Variants in RBFOX1 observed in about 807,000 individuals in gnomAD.
RBFOX1 encodes RNA binding protein fox-1 homolog 1.
A neutral mutation model predicts 57.7 loss-of-function variants in RBFOX1; 8 were observed. The ratio of observed to expected loss-of-function variants is 0.14; its 90% CI spans 0.08 to 0.25. RBFOX1 has a LOEUF of 0.25. RBFOX1 is among the 10% of genes least tolerant of loss of function. RBFOX1 has a pLI of 1.00. For synonymous variants in RBFOX1, 326 were observed against 222.4 expected, an observed-to-expected ratio of 1.47 and a Z score of -4.15; for missense variants, 611 against 548.5, an observed-to-expected ratio of 1.11 and a Z score of -1.14.
intron 1 of RBFOX1, among the ~76,000 whole-genome samples, chr16:6,158,087 C>T (rs1038344760): frequency 6.6e-6 from 1 of 152,112 alleles, no homozygotes; most frequent in African/African-American, 2.4e-5. Flanking sequence ...GGAGATTCCC[C>T]GAGATAAAAC....
At chr16:7,697,977 T>C (rs950133496) in intron 14 of RBFOX1, among the ~76,000 whole-genome samples, 2 of 152,108 alleles carry the variant, frequency 1.3e-5, no homozygotes, top group East Asian at 1.9e-4. Context: ...ACTGGTGTAG[T>C]TGTGGGGACA....
chr16:7,021,930 TTTTCTTTTCTTTCTTTCTTTTC>T (rs1163141363), intron 3 of RBFOX1, among the ~76,000 whole-genome samples: 3 of 146,436 alleles, frequency 2.0e-5, no homozygotes, highest in Non-Finnish European at 4.5e-5. Context: ...TCTTTCTTTA[TTTTCTTTTCTTTCTTTCTTTTC>T]TTTCTCTCTC....
chr16:6,361,801 C>T (rs1412608087), intron 2 of RBFOX1, among the ~76,000 whole-genome samples: 1 of 152,148 alleles, frequency 6.6e-6, no homozygotes, highest in Non-Finnish European at 1.5e-5. Context: ...TTCTTATCCA[C>T]AGCCAAAATT....
intron 4 of RBFOX1, among the ~76,000 whole-genome samples, chr16:7,282,483 G>A (rs920355854): frequency 6.6e-6 from 1 of 152,182 alleles, no homozygotes; most frequent in Admixed American, 6.5e-5. Flanking sequence ...GAAGTTATCA[G>A]GTGGATTTTC....
chr16:7,510,884 T>C (rs1028703150), intron 4 of RBFOX1, among the ~76,000 whole-genome samples: 4 of 152,160 alleles, frequency 2.6e-5, no homozygotes, highest in African/African-American at 9.7e-5. Context: ...GCTGGCTTAT[T>C]AGGTTTTGAC....
chr16:5,769,506 A>T (rs2151671176), intron 3 of RBFOX1, among the ~76,000 whole-genome samples: 1 of 150,046 alleles, frequency 6.7e-6, no homozygotes, highest in African/African-American at 2.5e-5. Flanking sequence ...AAAAAAAATT[A>T]GCTAGGTATG....
chr16:6,652,845 A>C (rs1428075264), intron 2 of RBFOX1, among the ~76,000 whole-genome samples: 1 of 152,184 alleles, frequency 6.6e-6, no homozygotes, highest in Non-Finnish European at 1.5e-5. Context: ...ATGGTTGCAC[A>C]ACAGTTTGTA....
chr16:7,285,035 T>G (rs1603488889), intron 4 of RBFOX1, among the ~76,000 whole-genome samples: 1 of 141,166 alleles, frequency 7.1e-6, no homozygotes, highest in East Asian at 2.2e-4. Context: ...TCCCTCACCC[T>G]CAGTCTCAAT....
chr16:7,108,027 G>T (rs1226542918), intron 4 of RBFOX1, among the ~76,000 whole-genome samples: 3 of 151,528 alleles, frequency 2.0e-5, no homozygotes, highest in African/African-American at 7.3e-5. Context: ...GATTGGGGGG[G>T]AGAGGGTAGA....
chr16:6,584,031 G>T, intron 2 of RBFOX1, among the ~76,000 whole-genome samples: 1 of 150,726 alleles, frequency 6.6e-6, no homozygotes. Flanking sequence ...AAAATTGTAG[G>T]ATTCCTTAGT....
intron 1 of RBFOX1, among the ~76,000 whole-genome samples, chr16:5,396,637 G>C (rs1018120226): frequency 6.6e-6 from 1 of 152,052 alleles, no homozygotes; most frequent in African/African-American, 2.4e-5. Context: ...ACAAGACTCT[G>C]TCTCGAAGAA....
chr16:6,606,229 C>T (rs2097923493), intron 2 of RBFOX1, among the ~76,000 whole-genome samples: 1 of 152,092 alleles, frequency 6.6e-6, no homozygotes, highest in African/African-American at 2.4e-5. Flanking sequence ...AATAGGAATC[C>T]TGTGAAGTAC....
chr16:7,693,479 G>GAAAA, intron 14 of RBFOX1: 1 of 502,636 alleles, frequency 2.0e-6, no homozygotes. Flanking sequence ...GTTTAGTTAA[G>GAAAA]AAAAAAAAAA....
At chr16:6,098,900 G>A (rs1039631638) in intron 1 of RBFOX1, among the ~76,000 whole-genome samples, 2 of 152,204 alleles carry the variant, frequency 1.3e-5, no homozygotes, top group Non-Finnish European at 2.9e-5. Context: ...GATGTGGCTT[G>A]GGTTGAGGGA....
intron 3 of RBFOX1, among the ~76,000 whole-genome samples, chr16:7,017,508 C>G (rs116843707): frequency 6.6e-6 from 1 of 152,154 alleles, no homozygotes; most frequent in Non-Finnish European, 1.5e-5. Context: ...ACTGCTAACT[C>G]AGGAGTCTGC....
chr16:7,284,196 T>A (rs1402671434), intron 4 of RBFOX1, among the ~76,000 whole-genome samples: 2 of 152,248 alleles, frequency 1.3e-5, no homozygotes, highest in Non-Finnish European at 2.9e-5. Context: ...GGTTGTGTTG[T>A]TTCCAGTTTT....
intron 3 of RBFOX1, among the ~76,000 whole-genome samples, chr16:6,714,653 T>G (rs573323958): frequency 6.6e-6 from 1 of 152,236 alleles, no homozygotes; most frequent in South Asian, 2.1e-4. Flanking sequence ...TACAGCCAGG[T>G]CCATGTGCAC....
At chr16:6,555,374 G>A (rs2097079502) in intron 2 of RBFOX1, among the ~76,000 whole-genome samples, 1 of 152,144 alleles carries the variant, frequency 6.6e-6, no homozygotes, top group Non-Finnish European at 1.5e-5. Context: ...TGACCACACA[G>A]TAGTCAGAAG....
intron 4 of RBFOX1, among the ~76,000 whole-genome samples, chr16:7,471,878 C>T (rs1272823904): frequency 6.6e-6 from 1 of 152,198 alleles, no homozygotes; most frequent in Admixed American, 6.5e-5. Flanking sequence ...ACTAGTTTAG[C>T]AACCCTTCAT....
Sources: allele counts gnomAD v4.1 joint callset (sites outside exome capture counted in the v4.1 genomes callset), GRCh38; gene constraint gnomAD v4.1.1; transcripts MANE v1.5; gene names NCBI Gene and HGNC (gene_info 2026-07-23, HGNC 2026-07-21).